The following RIPOR3 variants were observed in gnomAD, a reference collection of about 807,000 sequenced individuals.
RIPOR3 encodes RIPOR family member 3, also known as family with sequence similarity 65 member C.
RIPOR3 carries 95 observed loss-of-function variants against 114.3 expected under a neutral mutation model. The observed-to-expected ratio is 0.83, with a 90% CI of 0.70 to 0.99. The LOEUF is 0.99. RIPOR3 is among the 50% of genes least tolerant of loss of function. The pLI is 0.00. For missense variants in RIPOR3, 1,252 were observed against 1,266.9 expected (o/e 0.99, Z 0.18); for synonymous variants, 575 against 543.8 (o/e 1.06, Z -0.80).
intron 1 of RIPOR3, chr20:50,636,956 C>CA (rs1227520453): frequency 1.0e-6 from 1 of 977,436 alleles, no homozygotes. Flanking sequence ...TTTATCCACT[C>CA]AAATGCCAGC....
chr20:50,602,128 G>T lies in RIPOR3; in HGVS notation c.1603C>A (p.Gln535Lys). The T allele has an allele frequency of 6.2e-7, 1 of 1,609,196 alleles. No individual in the cohort carries two copies. Among genetic ancestry groups the T allele is most frequent in the Non-Finnish European group, 8.5e-7 (1 of 1,177,846 alleles). ...LELLRPTDSTQPQLRELEYQV... is the reference protein window; with the variant it reads ...LELLRPTDSTKPQLRELEYQV... ...TACTCCAGCTCCCGGAGCTGGGGCTGGGTGGAGTCCGTGGGCCTCAGCAAC... is the reference window on the plus strand; with the variant it reads ...TACTCCAGCTCCCGGAGCTGGGGCTTGGTGGAGTCCGTGGGCCTCAGCAAC... Residue 535 changes from glutamine (Q) to lysine (K), a missense_variant, in exon 13 of 22, where the codon CAG becomes AAG. Physicochemically the swap from Gln to Lys is moderately conservative, Grantham distance 53 (BLOSUM62 1). Transcript: ENST00000327979. The surrounding 1 kb of genome is among the most constrained non-coding windows in gnomAD (Gnocchi z 4.3).
At chr20:50,628,946 A>G (rs562933276) in intron 2 of RIPOR3, among the ~76,000 whole-genome samples, 1 of 152,264 alleles carries the variant, frequency 6.6e-6, no homozygotes, top group East Asian at 1.9e-4. Flanking sequence ...GCCCCTGGGA[A>G]GGAGCTCAGG....
intron 20 of RIPOR3, among the ~76,000 whole-genome samples, chr20:50,588,783 C>T (rs7508819): frequency 0.46 from 67,458 of 146,600 alleles, 16,144 homozygotes; most frequent in Middle Eastern, 0.64. Context: ...AAAAACACCA[C>T]AAATAAAGAA....
chr20:50,589,414 G>C (rs757436494), intron 20 of RIPOR3, among the ~76,000 whole-genome samples: 1 of 151,068 alleles, frequency 6.6e-6, no homozygotes, highest in Non-Finnish European at 1.5e-5. Flanking sequence ...TTCAAGTCCC[G>C]AGTAGCTGGG....
rs1223649717 is a variant in RIPOR3 at position 50,589,691 on chromosome 20, G to A, written c.2656C>T (p.Leu886Phe). The A allele has an allele frequency of 1.2e-6, 2 of 1,613,720 alleles. No individual in the cohort carries two copies. The highest frequency in any genetic ancestry group is 4.5e-5 in the East Asian group (2 of 44,864). ...QQAACLALKHLKGIESIDQTA... is the reference protein window; with the variant it reads ...QQAACLALKHFKGIESIDQTA... The stretch of plus-strand genomic sequence containing the variant: ...TGGGGAAACGTCAGGCTCACCTTGA[G>A]GTGTTTGAGCGCTAGGCATGCGGCC... Residue 886 changes from leucine to phenylalanine, a missense_variant, in exon 20 of 22, where the codon CTC becomes TTC. Leu to Phe is a conservative substitution (Grantham distance 22). Coordinates refer to ENST00000327979, the MANE Select transcript of RIPOR3 (RefSeq NM_001290268.2).
At chr20:50,681,241 AAGAAAAG>A (rs1460224416) in intron 1 of RIPOR3, among the ~76,000 whole-genome samples, 13 of 119,894 alleles carry the variant, frequency 1.1e-4, no homozygotes, top group African/African-American at 3.0e-4. Context: ...AAAAAAAAAA[AAGAAAAG>A]AAAAGAAAAG....
At chr20:50,588,073 T>G (rs1014995698) in intron 20 of RIPOR3, among the ~76,000 whole-genome samples, 181 bp from the exon 21 acceptor site, 2 of 152,238 alleles carry the variant, frequency 1.3e-5, no homozygotes, top group Admixed American at 6.5e-5. Context: ...CTCTGGACTC[T>G]GGAAGCGTCT....
chr20:50,682,845 G>A (rs564156874), intron 1 of RIPOR3, among the ~76,000 whole-genome samples: 24 of 151,000 alleles, frequency 1.6e-4, no homozygotes, highest in Non-Finnish European at 2.7e-4. Context: ...CTCCTGCCTC[G>A]GCCTCCCTAG....
intron 2 of RIPOR3, among the ~76,000 whole-genome samples, chr20:50,629,085 C>G (rs1053885059): frequency 1.3e-5 from 2 of 152,064 alleles, no homozygotes; most frequent in African/African-American, 4.8e-5. Context: ...GGAGCTCCAG[C>G]GGGAGGACAC....
Position 50,609,967 on chromosome 20 carries a change from A to C in RIPOR3, c.427-245T>G, listed in dbSNP as rs1416485187. Among the ~76,000 whole-genome samples, 156 of 94,874 alleles carry C rather than the reference A, an allele frequency of 1.6e-3. 5 individuals are homozygous for C. Among genetic ancestry groups the C allele is most frequent in the South Asian group, 3.2e-3 (8 of 2,490 alleles). 62.2% of individuals were successfully genotyped at this position (94,874 alleles called of 152,430 possible). A position where few individuals can be genotyped will look rare whatever the true frequency, so the allele number is the denominator to read the frequency against. On this transcript the variant is annotated intron_variant, in intron 6 of 21. Transcript: ENST00000327979. ...CTGCCTCACCTGCCACCACTGCCTC[A>C]CCTGCCACCCCTACCACCCCTGCCT...
chr20:50,667,833 C>T (rs1224771113), intron 1 of RIPOR3, among the ~76,000 whole-genome samples: 3 of 152,234 alleles, frequency 2.0e-5, no homozygotes, highest in Admixed American at 6.5e-5. Flanking sequence ...ACCTGGGACA[C>T]GTGCTTGCTT....
At chr20:50,652,351 G>C (rs1391953905) in intron 1 of RIPOR3, among the ~76,000 whole-genome samples, 2 of 152,148 alleles carry the variant, frequency 1.3e-5, no homozygotes, top group Non-Finnish European at 2.9e-5. Flanking sequence ...AGCACTTTGG[G>C]AGGCTGGGGC....
Position 50,608,544 on chromosome 20 carries a change from G to T in RIPOR3, c.811-10C>A. 1 of 1,613,700 alleles carries T rather than the reference G, an allele frequency of 6.2e-7. No individual in the cohort carries two copies. The highest frequency in any genetic ancestry group is 1.7e-4 in the Middle Eastern group (1 of 6,058). ...CCCGCAACTCCGTCACCTGGGGGTG[G>T]GGGCTGGAGGGTGGTGTCTGAGCCG... On this transcript the variant is annotated splice_polypyrimidine_tract_variant and intron_variant, in intron 10 of 21. Transcript: ENST00000327979.
At chr20:50,601,946 C>G (rs1437328142) in intron 13 of RIPOR3, 126 bp downstream of exon 13, 3 of 927,870 alleles carry the variant, frequency 3.2e-6, no homozygotes, top group South Asian at 3.7e-5. Flanking sequence ...AGAGACACGG[C>G]CCACCCAGGT....
intron 16 of RIPOR3, 118 bp from the exon 17 acceptor site, chr20:50,594,832 G>A: frequency 1.7e-6 from 2 of 1,193,414 alleles, no homozygotes; most frequent in South Asian, 1.5e-5. Context: ...GGTGTGGCTT[G>A]ATGCGAGGTC....
At chr20:50,606,443 A>AG (rs1487235961) in intron 11 of RIPOR3, among the ~76,000 whole-genome samples, 4 of 152,208 alleles carry the variant, frequency 2.6e-5, no homozygotes, top group African/African-American at 9.6e-5. Flanking sequence ...CACACTGAGT[A>AG]GTAAAGGATC....
intron 1 of RIPOR3, among the ~76,000 whole-genome samples, chr20:50,667,083 C>T (rs528184147): frequency 1.3e-4 from 20 of 152,114 alleles, no homozygotes; most frequent in Non-Finnish European, 2.8e-4. Context: ...CTGAACCTAG[C>T]TTGGCTAAAT....
At chr20:50,595,709 AAGG>A (rs1403968845) in intron 15 of RIPOR3, among the ~76,000 whole-genome samples, 1 of 146,108 alleles carries the variant, frequency 6.8e-6, no homozygotes, top group Non-Finnish European at 1.5e-5. Context: ...TTGCCCCCAG[AAGG>A]AGGACCAACC....
chr20:50,587,703 AG>A, intron 21 of RIPOR3, 98 bp downstream of exon 21: 1 of 1,173,342 alleles, frequency 8.5e-7, no homozygotes, highest in East Asian at 2.5e-5. Context: ...CAGGTGCCCC[AG>A]AGTTGTTCTG....
Sources: allele counts gnomAD v4.1 joint callset (sites outside exome capture counted in the v4.1 genomes callset), GRCh38; gene constraint gnomAD v4.1.1; non-coding constraint Gnocchi (gnomAD v3.1); transcripts MANE v1.5; gene names NCBI Gene and HGNC (gene_info 2026-07-23, HGNC 2026-07-21).